The following CCDC88A variants were observed in gnomAD, a reference collection of about 807,000 sequenced individuals.
The protein encoded by CCDC88A is girdin.
Under a neutral mutation model 234.3 loss-of-function variants are expected in CCDC88A, and 54 were observed. The observed-to-expected ratio is 0.23, with a 90% CI of 0.19 to 0.29. CCDC88A has a LOEUF of 0.29. CCDC88A is among the 10% of genes least tolerant of loss of function. The pLI is 1.00. For missense variants in CCDC88A, 1,832 were observed against 2,123.4 expected (o/e 0.86, Z 2.70); for synonymous variants, 753 against 737.8 (o/e 1.02, Z -0.33).
chr2:55,310,432 A>G (rs1254353287), intron 23 of CCDC88A, among the ~76,000 whole-genome samples: 2 of 152,198 alleles, frequency 1.3e-5, no homozygotes, highest in Admixed American at 6.5e-5. Flanking sequence ...AAATACAAAA[A>G]TTAGCAGCAT....
At chr2:55,352,451 CAAAA>C (rs144133002) in intron 8 of CCDC88A, among the ~76,000 whole-genome samples, 4 of 150,068 alleles carry the variant, frequency 2.7e-5, no homozygotes, top group Non-Finnish European at 5.9e-5. Context: ...CAAAAAAACA[CAAAA>C]AAACAAGAAA....
chr2:55,364,409 G>A (rs901328055), intron 5 of CCDC88A, among the ~76,000 whole-genome samples: 15 of 151,904 alleles, frequency 9.9e-5, no homozygotes, highest in African/African-American at 2.9e-4. Flanking sequence ...GGCAGAATTC[G>A]GAATACAGCC....
Position 55,332,599 on chromosome 2 carries a change from C to A in CCDC88A, c.2822G>T (p.Arg941Leu). The A allele has an allele frequency of 6.2e-7, 1 of 1,613,394 alleles. No individual in the cohort carries two copies. The highest frequency in any genetic ancestry group is 1.1e-5 in the South Asian group (1 of 91,050). ...AGTACTTTGTTCATCATGTAAGAGT[C>A]GCTCCTTATTTAACCCTATCTTCTC... ...ELEKIGLNKERLLHDEQSTDD... is the reference protein window; with the variant it reads ...ELEKIGLNKELLLHDEQSTDD... The change falls in exon 16 of 33, where the codon CGA (arginine) becomes CTA (leucine). Residue 941 changes from arginine to leucine, a missense_variant. Arg to Leu is a moderately radical substitution (Grantham distance 102, BLOSUM62 -2). Coordinates refer to ENST00000436346, the MANE Select transcript of CCDC88A (RefSeq NM_001365480.1). The surrounding 1 kb of genome is among the most constrained non-coding windows in gnomAD (Gnocchi z 4.5).
Position 55,335,025 on chromosome 2 carries a change from G to T in CCDC88A, c.1796C>A (p.Thr599Lys). 1 of 1,609,258 alleles carries T rather than the reference G, an allele frequency of 6.2e-7. No homozygotes were observed. The highest frequency in any genetic ancestry group is 8.5e-7 in the Non-Finnish European group (1 of 1,177,216). Residue 599 changes from threonine (T) to lysine (K), a missense_variant, in exon 15 of 33, where the codon ACA becomes AAA. Around this residue, in one of 6 missense-constraint regions of CCDC88A, gnomAD observed 1,282 missense variants for 1,543.6 expected, o/e 0.83. Transcript: ENST00000436346. The surrounding 1 kb of genome is among the most constrained non-coding windows in gnomAD (Gnocchi z 4.5). ...NKILHESIKE[T>K]SSKLSKIEFE... ...TTCAATCTTGCTTAGCTTGCTACTTGTTTCTTTGATAGATTCATGAAGAAT... is the reference window on the plus strand; with the variant it reads ...TTCAATCTTGCTTAGCTTGCTACTTTTTTCTTTGATAGATTCATGAAGAAT...
At chr2:55,404,505 A>T (rs1574488162) in intron 2 of CCDC88A, 1 of 152,214 alleles carries the variant, frequency 6.6e-6, no homozygotes, top group Non-Finnish European at 1.5e-5. Flanking sequence ...GATACCTATT[A>T]CAAAAGCACT....
intron 19 of CCDC88A, among the ~76,000 whole-genome samples, chr2:55,318,089 G>C (rs1032443262): frequency 6.6e-6 from 1 of 151,714 alleles, no homozygotes; most frequent in Admixed American, 6.6e-5. Flanking sequence ...GTATGTTTTG[G>C]GTTGAATTTA....
At chr2:55,368,375 T>C (rs776543036) in intron 5 of CCDC88A, among the ~76,000 whole-genome samples, 17 of 152,214 alleles carry the variant, frequency 1.1e-4, no homozygotes, top group Non-Finnish European at 2.4e-4. Context: ...CTGCTTCCTC[T>C]TAAGAATTTC....
At chr2:55,399,623 G>C (rs1356056045) in intron 2 of CCDC88A, 4 of 151,816 alleles carry the variant, frequency 2.6e-5, no homozygotes, top group African/African-American at 9.7e-5. Context: ...GAACCTTTTG[G>C]TACTAATTAA....
intron 31 of CCDC88A, chr2:55,294,560 A>AT: frequency 1.0e-6 from 1 of 983,626 alleles, no homozygotes; most frequent in African/African-American, 1.7e-5. Context: ...ATCTTTTTAC[A>AT]TTTTCCCTAC....
At chr2:55,339,896 C>T in intron 12 of CCDC88A, 1 of 298,740 alleles carries the variant, frequency 3.3e-6, no homozygotes, top group Non-Finnish European at 6.0e-6. Flanking sequence ...CAGTGATGTG[C>T]TCCTAGCTCA....
intron 25 of CCDC88A, among the ~76,000 whole-genome samples, chr2:55,306,573 A>G (rs1681595735): frequency 6.6e-6 from 1 of 152,062 alleles, no homozygotes; most frequent in Non-Finnish European, 1.5e-5. Context: ...TGCATTCTGA[A>G]ATATATCCCA....
chr2:55,344,394 T>G lies in CCDC88A; in HGVS notation c.1162A>C (p.Lys388Gln). The stretch of plus-strand genomic sequence containing the variant: ...ATTTCCATATCATGAAGTTTAGCTT[T>G]CAGTTGTAAGTTCTCTTTTTCTAAT... ...HELEKENLQL[K>Q]AKLHDMEMER... The change falls in exon 11 of 33, where the codon AAA becomes CAA. Residue 388 changes from lysine to glutamine, a missense_variant. By Grantham distance (53) the Lys-to-Gln change is moderately conservative (BLOSUM62 1). Around this residue, in one of 6 missense-constraint regions of CCDC88A, gnomAD observed 1,282 missense variants for 1,543.6 expected, o/e 0.83. Transcript: ENST00000436346. The G allele has an allele frequency of 6.3e-7, 1 of 1,589,562 alleles. No homozygotes were observed. The highest frequency in any genetic ancestry group is 8.6e-7 in the Non-Finnish European group (1 of 1,167,296).
Position 55,332,491 on chromosome 2 carries a change from G to A in CCDC88A, c.2855+75C>T. Reference sequence around the variant, plus strand: ...AATATATAAATGTTTTCTATAGCTAGTACAGAAAGAATTCATGTATGAGCA... The same window carrying A: ...AATATATAAATGTTTTCTATAGCTAATACAGAAAGAATTCATGTATGAGCA... On this transcript the variant is annotated intron_variant, in intron 16 of 32. Coordinates refer to ENST00000436346, the MANE Select transcript of CCDC88A (RefSeq NM_001365480.1). This position sits in a 1 kb window ranked among gnomAD's most constrained non-coding sequence, Gnocchi z 4.5. 6.5e-7 allele frequency: 1 copy of A among 1,541,424 alleles called. No homozygotes were observed. Among genetic ancestry groups the A allele is most frequent in the Non-Finnish European group, 8.7e-7 (1 of 1,149,778 alleles).
chr2:55,406,557 C>G (rs545621258), intron 2 of CCDC88A, among the ~76,000 whole-genome samples: 21 of 152,216 alleles, frequency 1.4e-4, no homozygotes, highest in African/African-American at 4.3e-4. Flanking sequence ...AGTTTGAGAG[C>G]AGCCTGGCCA....
chr2:55,362,418 G>C lies in CCDC88A; in HGVS notation c.517C>G (p.Leu173Val). Residue 173 changes from leucine to valine, a missense_variant, in exon 7 of 33, where the codon CTG becomes GTG. Leu to Val is a conservative substitution (Grantham distance 32). Coordinates refer to ENST00000436346, the MANE Select transcript of CCDC88A (RefSeq NM_001365480.1). ...VTHNQENVFD[L>V]QWMEVTDMSQ... ...ATATCAGTCACTTCCATCCATTGCAGGTCAAACACATTTTCCTGATTATGA... is the reference window on the plus strand; with the variant it reads ...ATATCAGTCACTTCCATCCATTGCACGTCAAACACATTTTCCTGATTATGA... The C allele has an allele frequency of 6.2e-7, 1 of 1,602,282 alleles. No individual in the cohort carries two copies. The highest frequency in any genetic ancestry group is 8.5e-7 in the Non-Finnish European group (1 of 1,176,334).
At chr2:55,336,010 T>C (rs184527365) in intron 14 of CCDC88A, among the ~76,000 whole-genome samples, 22 of 151,926 alleles carry the variant, frequency 1.4e-4, no homozygotes, top group Admixed American at 7.2e-4. Flanking sequence ...CTGGGGAGCA[T>C]AGTGATACTT....
chr2:55,344,226 T>C (rs1039524581), intron 11 of CCDC88A, 142 bp downstream of exon 11: 2 of 459,062 alleles, frequency 4.4e-6, no homozygotes, highest in African/African-American at 4.0e-5. Context: ...TATATAAAGT[T>C]GGAGGCATCT....
chr2:55,328,660 C>T lies in CCDC88A; in HGVS notation c.2856-225G>A. ...GAGTGAACAGAGCTCCGGATTATGG[C>T]TTAGATTATCAAAAGCAATAATTAA... On this transcript the variant is annotated intron_variant, in intron 16 of 32. Coordinates refer to ENST00000436346, the MANE Select transcript of CCDC88A (RefSeq NM_001365480.1). This position sits in a 1 kb window ranked among gnomAD's most constrained non-coding sequence, Gnocchi z 4.3. 3.2e-6 allele frequency: 1 copy of T among 313,166 alleles called. No homozygotes were observed. Among genetic ancestry groups the T allele is most frequent in the Non-Finnish European group, 5.7e-6 (1 of 175,568 alleles). 19.4% of individuals were successfully genotyped at this position (313,166 alleles called of 1,614,324 possible).
Position 55,418,998 on chromosome 2 carries a change from T to A in CCDC88A, c.63+19A>T. ...ACAAATAACTCAGCAAAATATACAA[T>A]AAAGGACACCCCACTTACCCAAGTG... On this transcript the variant is annotated intron_variant, in intron 1 of 32. Coordinates refer to ENST00000436346, the MANE Select transcript of CCDC88A (RefSeq NM_001365480.1). 6.2e-7 allele frequency: 1 copy of A among 1,607,500 alleles called. No homozygotes were observed. Among genetic ancestry groups the A allele is most frequent in the South Asian group, 1.1e-5 (1 of 90,930 alleles).
Sources: gnomAD v4.1 joint callset for allele counts (sites outside exome capture counted in the v4.1 genomes callset) on GRCh38, gnomAD v4.1.1 for gene constraint, gnomAD v4.1.1 regional missense constraint, Gnocchi (gnomAD v3.1) non-coding constraint, MANE v1.5 for transcripts, NCBI Gene and HGNC (gene_info 2026-07-23, HGNC 2026-07-21) for gene names.